Variants in DDX10 observed in about 807,000 individuals in gnomAD.
The protein encoded by DDX10 is probable ATP-dependent RNA helicase DDX10.
In DDX10, 74 loss-of-function variants were observed where a neutral mutation model predicts 104.3. The observed-to-expected ratio is 0.71, with a 90% CI of 0.59 to 0.86. The LOEUF is 0.86. Among genes scored for constraint, DDX10 ranks in the 40% least tolerant of loss-of-function variants. DDX10 has a pLI of 0.00. For synonymous variants in DDX10, 351 were observed against 353.4 expected, an observed-to-expected ratio of 0.99 and a Z score of 0.08; for missense variants, 952 against 1,040.0, an observed-to-expected ratio of 0.92 and a Z score of 1.16.
chr11:108,841,235 C>T, intron 14 of DDX10, 80 bp from the exon 15 acceptor site: 1 of 1,249,492 alleles, frequency 8.0e-7, no homozygotes, highest in Non-Finnish European at 1.1e-6. Context: ...TGCACCTTTT[C>T]AGAATCATCA....
At chr11:108,698,979 C>A (rs1429028606) in intron 9 of DDX10, among the ~76,000 whole-genome samples, 1 of 152,202 alleles carries the variant, frequency 6.6e-6, no homozygotes, top group Non-Finnish European at 1.5e-5. Context: ...TCACCCTCCC[C>A]AACCACTCCT....
At chr11:108,767,002 G>A (rs1037467186) in intron 13 of DDX10, among the ~76,000 whole-genome samples, 1 of 152,150 alleles carries the variant, frequency 6.6e-6, no homozygotes, top group Non-Finnish European at 1.5e-5. Context: ...CTTTTAAGTG[G>A]TTGTTGGGGC....
At chr11:108,840,703 A>G (rs567903322) in intron 14 of DDX10, among the ~76,000 whole-genome samples, 1 of 152,246 alleles carries the variant, frequency 6.6e-6, no homozygotes, top group South Asian at 2.1e-4. Flanking sequence ...TCTCCTTTTC[A>G]GTTAGTTATT....
intron 13 of DDX10, among the ~76,000 whole-genome samples, chr11:108,759,502 G>C (rs1344300359): frequency 1.3e-5 from 2 of 151,980 alleles, no homozygotes; most frequent in African/African-American, 2.4e-5. Context: ...ACTGAACTCA[G>C]ATGGTAGATA....
Position 108,885,576 on chromosome 11 carries a change from CG to C in DDX10, c.2305-32296del, listed in dbSNP as rs1863285949. ...TTTCGGGTTTCACAGGGTTTCACCACGTTGGCCAGGCTGGTCTAGAATTCCT... is the reference window on the plus strand; with the variant it reads ...TTTCGGGTTTCACAGGGTTTCACCACTTGGCCAGGCTGGTCTAGAATTCCT... On this transcript the variant is annotated intron_variant, in intron 16 of 17. Transcript: ENST00000322536. Among the ~76,000 whole-genome samples, 5 of 151,936 alleles carry C rather than the reference CG, an allele frequency of 3.3e-5. 1 individual carries two copies. The South Asian group carries it at 1.0e-3, about 32-fold the overall frequency.
In DDX10 at chr11:108,905,983, C is replaced by T. The variant is rs1280198008; in HGVS notation, c.2305-11890C>T. Among the ~76,000 whole-genome samples, 9 of 152,246 alleles carry T rather than the reference C, an allele frequency of 5.9e-5. No homozygotes were observed. In the South Asian group the frequency reaches 8.3e-4, roughly 14 times the overall value. On this transcript the variant is annotated intron_variant, in intron 16 of 17. Coordinates refer to ENST00000322536, the MANE Select transcript of DDX10 (RefSeq NM_004398.4). Reference sequence around the variant, plus strand: ...CATGAGAAATCTACCCTGTGATATCCGATTACCTCCCACAGGCTCCACCTC... The same window carrying T: ...CATGAGAAATCTACCCTGTGATATCTGATTACCTCCCACAGGCTCCACCTC...
intron 13 of DDX10, among the ~76,000 whole-genome samples, chr11:108,788,339 C>T (rs1861823443): frequency 6.6e-6 from 1 of 151,916 alleles, no homozygotes; most frequent in Admixed American, 6.6e-5. Context: ...TGACTCTATA[C>T]AGAATCTTTA....
In DDX10 at chr11:108,676,922, C is replaced by G. The variant is rs116094106; in HGVS notation, c.379-163C>G. On this transcript the variant is annotated intron_variant, in intron 3 of 17. Transcript: ENST00000322536. ...TCCTCTGAGTTGGGGGTGGATGGTT[C>G]TGATGGAAGATAAACAAAATCATTT... Among the ~76,000 whole-genome samples, 1,510 of 151,810 alleles carry G rather than the reference C, an allele frequency of 9.9e-3. 18 individuals carry two copies. The highest frequency in any genetic ancestry group is 0.035 in the African/African-American group (1,447 of 41,358).
intron 8 of DDX10, 81 bp from the exon 9 acceptor site, chr11:108,693,435 C>A: frequency 4.0e-6 from 4 of 996,704 alleles, no homozygotes; most frequent in Non-Finnish European, 6.5e-6. Flanking sequence ...AAAGTCCTGG[C>A]AAGCAATATT....
chr11:108,851,159 G>A (rs1862786658), intron 15 of DDX10, among the ~76,000 whole-genome samples: 1 of 151,758 alleles, frequency 6.6e-6, no homozygotes, highest in Non-Finnish European at 1.5e-5. Flanking sequence ...TGTGATCTTC[G>A]TAGAATAACA....
At chr11:108,795,897 A>G (rs1010756507) in intron 13 of DDX10, among the ~76,000 whole-genome samples, 28 of 152,344 alleles carry the variant, frequency 1.8e-4, no homozygotes, top group Non-Finnish European at 3.8e-4. Context: ...TTCTAGTTCT[A>G]GATCCTTGAG....
At chr11:108,892,604 C>CAT (rs1403634267) in intron 16 of DDX10, among the ~76,000 whole-genome samples, 1 of 152,024 alleles carries the variant, frequency 6.6e-6, no homozygotes, top group East Asian at 1.9e-4. Flanking sequence ...AATTATCCTA[C>CAT]ATATATATTA....
At chr11:108,936,694 C>A (rs940860601) in intron 17 of DDX10, among the ~76,000 whole-genome samples, 2 of 152,072 alleles carry the variant, frequency 1.3e-5, no homozygotes, top group African/African-American at 2.4e-5. Flanking sequence ...AATTTTATAA[C>A]CTATTTAATC....
At chr11:108,665,403 G>T in intron 1 of DDX10, 64 bp downstream of exon 1, 2 of 1,487,396 alleles carry the variant, frequency 1.3e-6, no homozygotes, top group Non-Finnish European at 1.8e-6. Flanking sequence ...TCACTGCGGC[G>T]AGGAGTTGCA....
intron 15 of DDX10, among the ~76,000 whole-genome samples, chr11:108,845,933 T>G (rs1254513920): frequency 6.6e-6 from 1 of 152,192 alleles, no homozygotes; most frequent in Non-Finnish European, 1.5e-5. Context: ...CTTAGTATAG[T>G]AGGATTCAAC....
At chr11:108,837,607 CTTTTTTTTTTTT>C (rs142381520) in intron 13 of DDX10, among the ~76,000 whole-genome samples, 257 of 34,726 alleles carry the variant, frequency 7.4e-3, no homozygotes, top group African/African-American at 0.02. Flanking sequence ...TTGGATACAG[CTTTTTTTTTTTT>C]TTTTTTTTTT....
At chr11:108,723,560 T>C in intron 13 of DDX10, 98 bp downstream of exon 13, 1 of 1,208,408 alleles carries the variant, frequency 8.3e-7, no homozygotes, top group Non-Finnish European at 1.1e-6. Context: ...ACTAAGAAAC[T>C]TAGACTGGGT....
chr11:108,765,559 C>A (rs961893915), intron 13 of DDX10, among the ~76,000 whole-genome samples: 1 of 152,136 alleles, frequency 6.6e-6, no homozygotes, highest in Non-Finnish European at 1.5e-5. Flanking sequence ...TAAAATATTT[C>A]GACTGCAGTT....
intron 13 of DDX10, among the ~76,000 whole-genome samples, chr11:108,748,686 AT>A (rs202215759): frequency 8.0e-5 from 12 of 149,558 alleles, no homozygotes; most frequent in African/African-American, 1.7e-4. Flanking sequence ...CATTTATTTA[AT>A]TTTTTTTTTA....
Sources: allele counts gnomAD v4.1 joint callset (sites outside exome capture counted in the v4.1 genomes callset), GRCh38; gene constraint gnomAD v4.1.1; transcripts MANE v1.5; gene names NCBI Gene and HGNC (gene_info 2026-07-23, HGNC 2026-07-21).